Variants in OSBPL1A observed in about 807,000 individuals in gnomAD.
OSBPL1A encodes the protein oxysterol binding protein like 1A.
In OSBPL1A, 80 loss-of-function variants were observed where a neutral mutation model predicts 137.1. The ratio of observed to expected loss-of-function variants is 0.58; its 90% CI spans 0.49 to 0.70. The LOEUF (loss-of-function observed/expected upper bound fraction) is 0.70. Ranked by LOEUF, OSBPL1A falls within the 30% of genes least tolerant of loss-of-function variation. The pLI is 0.00. For missense variants in OSBPL1A, 970 were observed against 1,129.4 expected (o/e 0.86, Z 2.02); for synonymous variants, 365 against 389.7 (o/e 0.94, Z 0.75).
intron 18 of OSBPL1A, among the ~76,000 whole-genome samples, chr18:24,190,346 GAAAAAAAAAAA>G (rs140195338): frequency 6.1e-5 from 3 of 49,174 alleles, no homozygotes; most frequent in East Asian, 6.5e-4. Context: ...CTCTGCTACT[GAAAAAAAAAAA>G]AAAAAAAAAA....
At chr18:24,311,411 GA>G in intron 13 of OSBPL1A, 6 of 953,334 alleles carry the variant, frequency 6.3e-6, no homozygotes, top group Non-Finnish European at 7.5e-6. Context: ...GGTACAGCCA[GA>G]AAATTGATGA....
chr18:24,338,279 A>C (rs952954634), intron 5 of OSBPL1A, among the ~76,000 whole-genome samples: 1 of 149,052 alleles, frequency 6.7e-6, no homozygotes, highest in Non-Finnish European at 1.5e-5. Context: ...ACGGGGTTTC[A>C]CCGTGTTAGC....
At chr18:24,203,675 T>C (rs756739228) in intron 17 of OSBPL1A, among the ~76,000 whole-genome samples, 39 of 152,290 alleles carry the variant, frequency 2.6e-4, no homozygotes, top group Non-Finnish European at 5.1e-4. Flanking sequence ...CTATAATCCA[T>C]GTTAAGAAGC....
intron 2 of OSBPL1A, among the ~76,000 whole-genome samples, chr18:24,369,179 T>C (rs1905414205): frequency 6.6e-6 from 1 of 152,180 alleles, no homozygotes; most frequent in Non-Finnish European, 1.5e-5. Flanking sequence ...AGTGGAGTCT[T>C]TGACTTCAGA....
intron 23 of OSBPL1A, among the ~76,000 whole-genome samples, chr18:24,171,200 A>AT (rs748634951): frequency 1.3e-4 from 20 of 151,478 alleles, no homozygotes; most frequent in East Asian, 5.9e-4. Flanking sequence ...TGCCTGGCTA[A>AT]TTTTTTTGTA....
intron 2 of OSBPL1A, among the ~76,000 whole-genome samples, chr18:24,374,409 A>C (rs1290073242): frequency 6.6e-6 from 1 of 152,170 alleles, no homozygotes; most frequent in Non-Finnish European, 1.5e-5. Flanking sequence ...AAAAGACAAA[A>C]GCTGAGACAC....
chr18:24,350,459 A>AG (rs1035087478), intron 4 of OSBPL1A, among the ~76,000 whole-genome samples: 5 of 151,994 alleles, frequency 3.3e-5, no homozygotes, highest in African/African-American at 1.2e-4. Context: ...TTCTTTTTTT[A>AG]GGGGTGGGGG....
intron 16 of OSBPL1A, among the ~76,000 whole-genome samples, chr18:24,234,528 G>GC (rs1450537375): frequency 6.6e-6 from 1 of 152,110 alleles, no homozygotes; most frequent in Non-Finnish European, 1.5e-5. Flanking sequence ...CGATCCCAGG[G>GC]GGGACGCCAG....
intron 7 of OSBPL1A, among the ~76,000 whole-genome samples, chr18:24,325,316 C>G (rs1460871875): frequency 6.6e-6 from 1 of 152,230 alleles, no homozygotes; most frequent in Non-Finnish European, 1.5e-5. Context: ...CCAGGCCCTG[C>G]AGGCCTGGGC....
intron 17 of OSBPL1A, among the ~76,000 whole-genome samples, chr18:24,216,419 A>G (rs2087701782): frequency 6.6e-6 from 1 of 152,190 alleles, no homozygotes; most frequent in African/African-American, 2.4e-5. Flanking sequence ...AGGCAGGAGA[A>G]TTGCTTGAAC....
At chr18:24,267,420 C>T (rs966956688) in intron 15 of OSBPL1A, among the ~76,000 whole-genome samples, 2 of 152,048 alleles carry the variant, frequency 1.3e-5, no homozygotes, top group African/African-American at 4.8e-5. Context: ...CTCCTAAACT[C>T]ACTTTATGAG....
intron 15 of OSBPL1A, among the ~76,000 whole-genome samples, chr18:24,269,215 C>T (rs1480126651): frequency 6.6e-6 from 1 of 152,192 alleles, no homozygotes; most frequent in East Asian, 1.9e-4. Flanking sequence ...AGGAGCAAAT[C>T]TCATTAAATC....
chr18:24,302,994 T>A (rs74499242), intron 14 of OSBPL1A, among the ~76,000 whole-genome samples: 3 of 151,326 alleles, frequency 2.0e-5, no homozygotes, highest in African/African-American at 7.3e-5. Flanking sequence ...TGTGTGTGTG[T>A]GGGTGTGTCT....
intron 16 of OSBPL1A, among the ~76,000 whole-genome samples, chr18:24,234,564 A>G (rs1224213941): frequency 6.6e-6 from 1 of 152,078 alleles, no homozygotes; most frequent in Non-Finnish European, 1.5e-5. Flanking sequence ...CCTCTCTTAC[A>G]CTGCTGGCTC....
intron 16 of OSBPL1A, among the ~76,000 whole-genome samples, chr18:24,231,871 CT>C (rs2088293484): frequency 1.3e-5 from 2 of 152,158 alleles, no homozygotes; most frequent in Non-Finnish European, 2.9e-5. Context: ...GCCAACAATT[CT>C]TGTAAGTTAT....
chr18:24,167,231 G>A (rs991751564), intron 25 of OSBPL1A, 98 bp downstream of exon 25: 1 of 1,117,074 alleles, frequency 9.0e-7, no homozygotes, highest in South Asian at 1.3e-5. Flanking sequence ...CAACCTGCCT[G>A]TCTCCATGCT....
At chr18:24,304,945 A>G (rs1168278490) in intron 13 of OSBPL1A, among the ~76,000 whole-genome samples, 1 of 152,168 alleles carries the variant, frequency 6.6e-6, no homozygotes, top group African/African-American at 2.4e-5. Flanking sequence ...TTAAAACACC[A>G]TATATGCCTG....
rs1347989965 is a variant in OSBPL1A, at chr18:24,314,296, T to A, written c.922A>T (p.Ile308Phe). 1.9e-6 allele frequency: 3 copies of A among 1,612,182 alleles called. No individual in the cohort carries two copies. The highest frequency in any genetic ancestry group is 2.5e-6 in the Non-Finnish European group (3 of 1,179,444). ...TTCTTAGGAACCCGGAAGCCATGAA[T>A]GGTGTCATCAAAGCATTTAATAAAG... ...LFFIKCFDDT[I>F]HGFRVPKNSL... The change falls in exon 12 of 28, where the codon ATT (isoleucine) becomes TTT (phenylalanine). Residue 308 changes from isoleucine to phenylalanine, a missense_variant. Around this residue, in one of 2 missense-constraint regions of OSBPL1A, gnomAD observed 647 missense variants for 672.6 expected, o/e 0.96. Coordinates refer to ENST00000319481, the MANE Select transcript of OSBPL1A (RefSeq NM_080597.4).
intron 16 of OSBPL1A, among the ~76,000 whole-genome samples, chr18:24,227,439 C>T (rs942777779): frequency 6.6e-6 from 1 of 152,100 alleles, no homozygotes; most frequent in Admixed American, 6.6e-5. Flanking sequence ...TAATGCTTTG[C>T]AACTCTAAAA....
Sources: allele counts gnomAD v4.1 joint callset (sites outside exome capture counted in the v4.1 genomes callset), GRCh38; gene constraint gnomAD v4.1.1; regional missense constraint gnomAD v4.1.1; transcripts MANE v1.5; gene names NCBI Gene and HGNC (gene_info 2026-07-23, HGNC 2026-07-21).